The following TSPAN10 variants were observed in gnomAD, a reference collection of about 807,000 sequenced individuals.
The protein encoded by TSPAN10 is tetraspanin-10.
A neutral mutation model predicts 15.0 loss-of-function variants in TSPAN10; 11 were observed. That is an observed-to-expected ratio of 0.73 (90% CI 0.46 to 1.21). TSPAN10 has a LOEUF of 1.21. Ranked by LOEUF, TSPAN10 falls within the 50% of genes most tolerant of loss-of-function variation. The pLI, the probability that TSPAN10 is intolerant of heterozygous loss-of-function variation, is 0.00. For missense variants in TSPAN10, 486 were observed against 470.6 expected (o/e 1.03, Z -0.30); for synonymous variants, 241 against 226.2 (o/e 1.07, Z -0.59).
upstream of TSPAN10, among the ~76,000 whole-genome samples, chr17:81,640,058 CTG>C (rs2036164830): frequency 1.3e-5 from 2 of 152,148 alleles, no homozygotes; most frequent in African/African-American, 4.8e-5. Flanking sequence ...TCGTGGCTCA[CTG>C]TAGCCTCGAC....
chr17:81,647,982 C>G (rs1426137811), exon 3 of TSPAN10: 1 of 1,611,466 alleles, frequency 6.2e-7, no homozygotes, highest in South Asian at 1.1e-5. Context: ...AAGATGGAGC[C>G]TCTGTCAACG....
chr17:81,642,201 C>T (rs2036184357), upstream of TSPAN10: 6 of 535,384 alleles, frequency 1.1e-5, no homozygotes, highest in East Asian at 1.8e-4. Flanking sequence ...CAGAGGCCTC[C>T]TTAAGCTCTA....
At position 81,647,906 on chromosome 17, in the gene TSPAN10, T is replaced by TTAAC. The variant is rs10536197; in HGVS notation, c.682_685dup (p.Cys229Ter). 513,357 of 1,600,188 alleles carry TTAAC rather than the reference T, an allele frequency of 0.32. 89,417 individuals carry two copies. The highest frequency in any genetic ancestry group is 0.36 in the Non-Finnish European group (423,928 of 1,177,464). On this transcript the variant is annotated frameshift_variant, in exon 3 of 3. Transcript: ENST00000611590. LOFTEE classifies it low-confidence loss of function (END_TRUNC). ...CGATTCCATGCGCCTTGCAGGTACT[T>TTAAC]TAACTGCAGCTCCCCCGGGGTGCAG...
In TSPAN10 at chr17:81,645,921, T is replaced by C. The variant is rs112308944; in HGVS notation, c.674+292T>C. ...ACACACTCACACTCAAACATGTTCA[T>C]ACACACACGTGTCATGCACACAAGG... On this transcript the variant is annotated intron_variant, in intron 2 of 2. Transcript: ENST00000611590. 3.1e-3 allele frequency: 1,717 copies of C among 561,664 alleles called. 32 individuals carry two copies. Among genetic ancestry groups the C allele is most frequent in the African/African-American group, 0.03 (1,574 of 53,154 alleles). 34.8% of individuals were successfully genotyped at this position (561,664 alleles called of 1,614,324 possible).
exon 1 of TSPAN10, chr17:81,637,202 G>T (rs2036110860): frequency 4.5e-6 from 2 of 448,078 alleles, no homozygotes; most frequent in Admixed American, 8.2e-5. Context: ...ACCCGCCCCC[G>T]CCATCCCTGC....
chr17:81,642,930 T>G (rs946772125), intron 1 of TSPAN10, among the ~76,000 whole-genome samples: 1 of 151,164 alleles, frequency 6.6e-6, no homozygotes, highest in Non-Finnish European at 1.5e-5. Context: ...GGAGGGAAGA[T>G]TGCGTGAGCC....
upstream of TSPAN10, chr17:81,642,315 A>G: frequency 1.4e-6 from 2 of 1,439,316 alleles, no homozygotes; most frequent in Non-Finnish European, 2.0e-6. Context: ...AGACTAGCCC[A>G]GGGCCGCAGT....
intron 1 of TSPAN10, among the ~76,000 whole-genome samples, chr17:81,643,094 T>G (rs1185347609): frequency 2.0e-5 from 3 of 150,078 alleles, no homozygotes; most frequent in Non-Finnish European, 3.0e-5. Context: ...AACCTCCGCC[T>G]CCTCGGTTCA....
At chr17:81,648,246 G>A (rs7406514) in exon 3 of TSPAN10, 3 of 1,235,546 alleles carry the variant, frequency 2.4e-6, no homozygotes, top group Non-Finnish European at 3.0e-6. Flanking sequence ...CTGGCCCCCA[G>A]AGCCCCAGCC....
At chr17:81,641,353 C>T (rs1393634596), upstream of TSPAN10, among the ~76,000 whole-genome samples, 2 of 152,040 alleles carry the variant, frequency 1.3e-5, no homozygotes, top group Non-Finnish European at 2.9e-5. Flanking sequence ...CCCGACTTCC[C>T]ACCTGCAGCA....
intron 2 of TSPAN10, 126 bp from the exon 4 acceptor site, chr17:81,647,775 C>A: frequency 1.0e-6 from 1 of 981,752 alleles, no homozygotes; most frequent in Non-Finnish European, 1.5e-6. Flanking sequence ...AGGGCGTATG[C>A]ACGTGTGTGC....
chr17:81,644,073 T>C (rs555647441), intron 1 of TSPAN10, among the ~76,000 whole-genome samples: 1 of 150,748 alleles, frequency 6.6e-6, no homozygotes, highest in African/African-American at 2.4e-5. Flanking sequence ...GGTCTCGAAT[T>C]CCCGACCTCA....
intron 2 of TSPAN10, chr17:81,645,946 G>T: frequency 2.1e-6 from 1 of 485,422 alleles, no homozygotes; most frequent in South Asian, 2.4e-5. Context: ...TGCACACAAG[G>T]TATAGGGGTG....
chr17:81,642,772 C>A (rs1284307371), intron 1 of TSPAN10, among the ~76,000 whole-genome samples: 2 of 152,116 alleles, frequency 1.3e-5, no homozygotes, highest in Non-Finnish European at 2.9e-5. Flanking sequence ...CCTCTGGCCC[C>A]CAGTGGCCCC....
upstream of TSPAN10, among the ~76,000 whole-genome samples, chr17:81,640,198 G>T (rs977519890): frequency 9.9e-5 from 15 of 151,990 alleles, no homozygotes; most frequent in African/African-American, 2.9e-4. Flanking sequence ...TGCCCAGGCT[G>T]GTCTCTAACT....
chr17:81,637,289 A>G, exon 1 of TSPAN10: 1 of 630,104 alleles, frequency 1.6e-6, no homozygotes, highest in Non-Finnish European at 2.9e-6. Flanking sequence ...CGGCACAGGA[A>G]AGTCCAAAAA....
intron 1 of TSPAN10, among the ~76,000 whole-genome samples, chr17:81,642,712 G>C (rs1375539429): frequency 1.3e-5 from 2 of 152,174 alleles, no homozygotes; most frequent in Non-Finnish European, 2.9e-5. Context: ...TTTGGCTCAG[G>C]GTGCAGGAGG....
exon 2 of TSPAN10, chr17:81,645,273 G>A: frequency 6.5e-7 from 1 of 1,533,508 alleles, no homozygotes; most frequent in East Asian, 2.3e-5. Flanking sequence ...CTGTCAAGGG[G>A]TCTCTGGGAA....
At chr17:81,643,191 G>A (rs979398454) in intron 1 of TSPAN10, among the ~76,000 whole-genome samples, 1 of 150,326 alleles carries the variant, frequency 6.7e-6, no homozygotes, top group South Asian at 2.1e-4. Flanking sequence ...GTCGAGACAG[G>A]GTTTTACCAT....
Sources: gnomAD v4.1 joint callset for allele counts (sites outside exome capture counted in the v4.1 genomes callset) on GRCh38, gnomAD v4.1.1 for gene constraint, MANE v1.5 for transcripts, NCBI Gene and HGNC (gene_info 2026-07-23, HGNC 2026-07-21) for gene names.